PTPRC: variants seen among roughly 807,000 people sequenced by gnomAD.
PTPRC encodes the protein protein tyrosine phosphatase receptor type C, also known as receptor-type tyrosine-protein phosphatase C.
Under a neutral mutation model 155.9 loss-of-function variants are expected in PTPRC, and 44 were observed. The observed-to-expected ratio is 0.28, with a 90% CI of 0.22 to 0.36. The LOEUF is 0.36. Ranked by LOEUF, PTPRC falls within the 10% of genes least tolerant of loss-of-function variation. The probability of loss-of-function intolerance (pLI) is 1.00; values close to 1 mark genes in which losing one functional copy is unlikely to be tolerated. For missense variants in PTPRC, 1,401 were observed against 1,564.6 expected (o/e 0.90, Z 1.76); for synonymous variants, 525 against 533.1 (o/e 0.98, Z 0.21).
chr1:198,727,791 A>G (rs1654206238), intron 15 of PTPRC, among the ~76,000 whole-genome samples: 1 of 152,154 alleles, frequency 6.6e-6, no homozygotes, highest in South Asian at 2.1e-4. Flanking sequence ...CATTAAACTT[A>G]GTGAATATTT....
At chr1:198,660,030 CATATATATATATATATATATAT>C (rs34796231) in intron 2 of PTPRC, among the ~76,000 whole-genome samples, 3 of 115,924 alleles carry the variant, frequency 2.6e-5, no homozygotes, top group Non-Finnish European at 3.6e-5. Context: ...TATATATGTC[CATATATATATATATATATATAT>C]ATATATATAT....
At position 198,734,574 on chromosome 1, in the gene PTPRC, C is replaced by A. The variant is rs12124988; in HGVS notation, c.2277+149C>A. The A allele has an allele frequency of 0.015, 11,308 of 757,704 alleles. 133 individuals are homozygous for A. The highest frequency in any genetic ancestry group is 0.016 in the Non-Finnish European group (6,890 of 443,220). 46.9% of individuals were successfully genotyped at this position (757,704 alleles called of 1,614,324 possible). A position where few individuals can be genotyped will look rare whatever the true frequency, so the allele number is the denominator to read the frequency against. ...GTGTTAACATTTAATTTAAAATTTT[C>A]ATACATGTAGAAAACTAAAACTTTT... On this transcript the variant is annotated intron_variant, in intron 22 of 32. Coordinates refer to ENST00000442510, the MANE Select transcript of PTPRC (RefSeq NM_002838.5).
chr1:198,673,421 A>G (rs1055864976), intron 2 of PTPRC, among the ~76,000 whole-genome samples: 3 of 152,202 alleles, frequency 2.0e-5, no homozygotes, highest in African/African-American at 7.2e-5. Context: ...ATAATTATAC[A>G]TACTTCATAT....
chr1:198,665,154 A>G (rs1664213804), intron 2 of PTPRC, among the ~76,000 whole-genome samples: 1 of 135,932 alleles, frequency 7.4e-6, no homozygotes, highest in Non-Finnish European at 1.5e-5. Context: ...CAGTGGTGCA[A>G]TCGCGGCTCA....
chr1:198,736,364 A>G (rs1484659964), intron 23 of PTPRC, among the ~76,000 whole-genome samples: 1 of 151,656 alleles, frequency 6.6e-6, no homozygotes, highest in Admixed American at 6.6e-5. Context: ...TTTGGTAACC[A>G]TCATTCTACT....
Position 198,716,699 on chromosome 1 carries a change from C to G in PTPRC, c.1309C>G (p.Leu437Val). The G allele has an allele frequency of 6.2e-7, 1 of 1,611,778 alleles. No individual in the cohort carries two copies. The highest frequency in any genetic ancestry group is 1.3e-5 in the African/African-American group (1 of 74,956). Residue 437 changes from leucine to valine, a missense_variant, in exon 13 of 33, where the codon CTG becomes GTG. This residue lies in a region of PTPRC where 867 missense variants were observed against 970.4 expected (regional missense o/e 0.89). Coordinates refer to ENST00000442510, the MANE Select transcript of PTPRC (RefSeq NM_002838.5). ...IKETEKDCLN[L>V]DKNLIKYDLQ... is the part of the protein sequence containing the mutation. ...TTCCTCAGAAAAAGATTGCCTCAAT[C>G]TGGATAAAAACCTGATCAAATATGA...
chr1:198,686,291 T>G (rs550499877), intron 2 of PTPRC, among the ~76,000 whole-genome samples: 57 of 152,116 alleles, frequency 3.7e-4, no homozygotes, highest in Non-Finnish European at 6.5e-4. Context: ...AAAAGAGCTC[T>G]TAGATAATTT....
intron 2 of PTPRC, among the ~76,000 whole-genome samples, chr1:198,665,475 A>T (rs908248463): frequency 1.3e-5 from 2 of 152,180 alleles, no homozygotes; most frequent in African/African-American, 4.8e-5. Context: ...GAACAAGCAG[A>T]TGTCAAAGAT....
intron 7 of PTPRC, among the ~76,000 whole-genome samples, chr1:198,704,264 G>C (rs1453665041): frequency 6.6e-6 from 1 of 152,038 alleles, no homozygotes; most frequent in Non-Finnish European, 1.5e-5. Context: ...GTATATTTAT[G>C]AAAAATTTTA....
rs1655429254 is a variant in PTPRC at position 198,752,491 on chromosome 1, A to T, written c.3331-103A>T. The T allele has an allele frequency of 4.0e-6, 6 of 1,514,006 alleles. No homozygotes were observed. The African/African-American group carries it at 4.2e-5, about 11-fold the overall frequency. 93.8% of individuals were successfully genotyped at this position (1,514,006 alleles called of 1,614,324 possible). On this transcript the variant is annotated intron_variant, in intron 30 of 32. Transcript: ENST00000442510. Reference sequence around the variant, plus strand: ...AAATAATGTTTCAGAATAACATTTTAAAATTATTTAAATAGAAGTAACTGT... The same window carrying T: ...AAATAATGTTTCAGAATAACATTTTTAAATTATTTAAATAGAAGTAACTGT...
chr1:198,713,556 T>A (rs1653418190), intron 12 of PTPRC, among the ~76,000 whole-genome samples: 1 of 152,016 alleles, frequency 6.6e-6, no homozygotes, highest in African/African-American at 2.4e-5. Context: ...GGGAGCATAG[T>A]TCTAAGTTTA....
chr1:198,738,540 T>C (rs1654754733), intron 23 of PTPRC, among the ~76,000 whole-genome samples: 1 of 151,888 alleles, frequency 6.6e-6, no homozygotes, highest in Non-Finnish European at 1.5e-5. Context: ...TGTTGTTGAA[T>C]TCAGTTTGCT....
chr1:198,650,006 G>A (rs979492938), intron 2 of PTPRC, among the ~76,000 whole-genome samples: 1 of 151,834 alleles, frequency 6.6e-6, no homozygotes, highest in Admixed American at 6.6e-5. Context: ...GAATCATTGA[G>A]CTACCTGTTG....
intron 25 of PTPRC, among the ~76,000 whole-genome samples, chr1:198,742,950 A>G (rs917653995): frequency 1.3e-5 from 2 of 151,546 alleles, no homozygotes; most frequent in African/African-American, 2.4e-5. Flanking sequence ...AGTGATGGTA[A>G]TTACTGAAAA....
intron 2 of PTPRC, among the ~76,000 whole-genome samples, chr1:198,643,823 T>A (rs1040365960): frequency 7.9e-5 from 12 of 151,948 alleles, no homozygotes; most frequent in Non-Finnish European, 1.0e-4. Flanking sequence ...TGGCAATTGC[T>A]GGTTTGAACA....
chr1:198,670,810 G>A (rs1664597975), intron 2 of PTPRC, among the ~76,000 whole-genome samples: 1 of 151,894 alleles, frequency 6.6e-6, no homozygotes, highest in Non-Finnish European at 1.5e-5. Context: ...TGTGGGTTTT[G>A]CATCCTCTGA....
chr1:198,673,497 G>C (rs1407927034), intron 2 of PTPRC, among the ~76,000 whole-genome samples: 2 of 152,036 alleles, frequency 1.3e-5, no homozygotes, highest in Non-Finnish European at 2.9e-5. Flanking sequence ...CTAGTATAAC[G>C]CATGATACAT....
rs948126221 is a variant in PTPRC at position 198,730,352 on chromosome 1, T to A, written c.1864+1181T>A. Among the ~76,000 whole-genome samples the A allele has an allele frequency of 2.0e-5, 3 of 152,284 alleles. No individual in the cohort carries two copies. The East Asian group carries it at 5.8e-4, about 29-fold the overall frequency. On this transcript the variant is annotated intron_variant, in intron 17 of 32. Transcript: ENST00000442510. ...GCAGAATGTAACACTATCTGATCCC[T>A]TATTACATATTTATTCATTTGGTCA...
rs1666237974 is a variant in PTPRC, at chr1:198,697,027, T to C, written c.298+118T>C. The C allele has an allele frequency of 7.1e-6, 7 of 990,016 alleles. No homozygotes were observed. In the Admixed American group the frequency reaches 1.2e-4, roughly 17 times the overall value. 61.3% of individuals were successfully genotyped at this position (990,016 alleles called of 1,614,324 possible). ...ACAGTTTCTAAGTATGTGATTTTAT[T>C]CAAGTGCAGAAATTGCAGGAAATTA... On this transcript the variant is annotated intron_variant, in intron 4 of 32. Transcript: ENST00000442510.
Sources: gnomAD v4.1 joint callset for allele counts (sites outside exome capture counted in the v4.1 genomes callset) on GRCh38, gnomAD v4.1.1 for gene constraint, gnomAD v4.1.1 regional missense constraint, MANE v1.5 for transcripts, NCBI Gene and HGNC (gene_info 2026-07-23, HGNC 2026-07-21) for gene names.